Variants in MFGE8 observed in about 807,000 individuals in gnomAD.
MFGE8 encodes milk fat globule EGF and factor V/VIII domain containing.
MFGE8 carries 34 observed loss-of-function variants against 42.6 expected under a neutral mutation model. The observed-to-expected ratio is 0.80, with a 90% CI of 0.61 to 1.06. The LOEUF is 1.06. Ranked by LOEUF, MFGE8 falls within the 50% of genes least tolerant of loss-of-function variation. MFGE8 has a pLI of 0.00. For missense variants in MFGE8, 510 were observed against 516.9 expected, an observed-to-expected ratio of 0.99 and a Z score of 0.13; for synonymous variants, 230 against 214.8, an observed-to-expected ratio of 1.07 and a Z score of -0.62.
chr15:88,899,535 A>C lies in MFGE8; in HGVS notation c.1027-3T>G, dbSNP rs985615223. 2.2e-5 allele frequency: 35 copies of C among 1,614,056 alleles called. No individual in the cohort carries two copies. Among genetic ancestry groups the C allele is most frequent in the Non-Finnish European group, 3.0e-5 (35 of 1,180,028 alleles). On this transcript the variant is annotated splice_region_variant and splice_polypyrimidine_tract_variant and intron_variant, in intron 7 of 7. Transcript: ENST00000268150. The surrounding 1 kb of genome is among the most constrained non-coding windows in gnomAD (Gnocchi z 6.8). ...TTGTCCCAGTTGCCAGGGAAGATCT[A>C]GAGGCAGAGCGGGTGTCAGGAGGAC... is the stretch of plus-strand genomic sequence containing the variant.
intron 6 of MFGE8, 38 bp downstream of exon 6, chr15:88,901,513 C>T (rs1208838689): frequency 1.3e-5 from 13 of 975,884 alleles, no homozygotes; most frequent in Non-Finnish European, 1.8e-5. Flanking sequence ...CCTCATCCCA[C>T]CCAACCCCAG....
At position 88,899,434 on chromosome 15, in the gene MFGE8, G is replaced by A. The variant is rs1163392102; in HGVS notation, c.1125C>T (p.His375=). ...GCTCCAGGCGCAGGGCGATGCGGTT[G>A]TGCCAGGCTACAGGCAGGATGCGCA... ...RYVRILPVAW[H]NRIALRLELL... is the part of the protein sequence containing the mutation. Residue 375 remains histidine, a synonymous_variant, in exon 8 of 8, where the codon CAC becomes CAT. Transcript: ENST00000268150. This position sits in a 1 kb window ranked among gnomAD's most constrained non-coding sequence, Gnocchi z 6.8. 1.2e-6 allele frequency: 2 copies of A among 1,614,106 alleles called. No individual in the cohort carries two copies. The highest frequency in any genetic ancestry group is 1.7e-5 in the Admixed American group (1 of 60,012).
At position 88,900,243 on chromosome 15, in the gene MFGE8, G is replaced by GAAA. The variant is rs5814347; in HGVS notation, c.871-435_871-433dup. 3.6e-4 allele frequency among the ~76,000 whole-genome samples: 38 copies of GAAA among 106,956 alleles called. 1 individual carries two copies. The highest frequency in any genetic ancestry group is 1.1e-3 in the African/African-American group (31 of 27,366). 70.2% of individuals were successfully genotyped at this position (106,956 alleles called of 152,430 possible). ...GGTGACAGAGCAAGGCTCTGTCTCA[G>GAAA]AAAAAAAAAAAAAAAAAGCGGTGAG... On this transcript the variant is annotated intron_variant, in intron 6 of 7. Coordinates refer to ENST00000268150, the MANE Select transcript of MFGE8 (RefSeq NM_005928.4).
rs201964986 is a variant in MFGE8 at position 88,906,594 on chromosome 15, C to A, written c.540+32G>T. The A allele has an allele frequency of 6.2e-7, 1 of 1,613,362 alleles. No individual in the cohort carries two copies. Among genetic ancestry groups the A allele is most frequent in the Non-Finnish European group, 8.5e-7 (1 of 1,179,544 alleles). ...CTAGAACCTTAGGGGGTATGGACCA[C>A]AGCCCTTCTTTCGGGCCCCAACAAG... On this transcript the variant is annotated intron_variant, in intron 4 of 7. Transcript: ENST00000268150. The surrounding 1 kb of genome is among the most constrained non-coding windows in gnomAD (Gnocchi z 4.2).
intron 1 of MFGE8, among the ~76,000 whole-genome samples, chr15:88,911,694 T>A (rs1045075100): frequency 2.7e-5 from 4 of 150,230 alleles, no homozygotes; most frequent in Admixed American, 2.0e-4. Flanking sequence ...GCCACTGCAC[T>A]CCAGCCTGGG....
intron 6 of MFGE8, 35 bp downstream of exon 6, chr15:88,901,516 A>AAACCCC: frequency 1.4e-6 from 1 of 733,420 alleles, no homozygotes; most frequent in Non-Finnish European, 2.4e-6. Flanking sequence ...CATCCCACCC[A>AAACCCC]ACCCCAGCCC....
At chr15:88,908,051 T>C (rs1898781723) in intron 2 of MFGE8, among the ~76,000 whole-genome samples, 1 of 152,166 alleles carries the variant, frequency 6.6e-6, no homozygotes, top group Non-Finnish European at 1.5e-5. Flanking sequence ...CTTCCACCTG[T>C]GGGCCCTCAC....
Position 88,906,696 on chromosome 15 carries a change from G to A in MFGE8, c.470C>T (p.Ala157Val). 1 of 1,613,904 alleles carries A rather than the reference G, an allele frequency of 6.2e-7. No individual in the cohort carries two copies. Among genetic ancestry groups the A allele is most frequent in the Non-Finnish European group, 8.5e-7 (1 of 1,179,928 alleles). The change falls in exon 4 of 8, where the codon GCC becomes GTC. Residue 157 changes from alanine (A) to valine (V), a missense_variant. Physicochemically the swap from Ala to Val is moderately conservative, Grantham distance 64 (BLOSUM62 0). Coordinates refer to ENST00000268150, the MANE Select transcript of MFGE8 (RefSeq NM_005928.4). This position sits in a 1 kb window ranked among gnomAD's most constrained non-coding sequence, Gnocchi z 4.2. ...SRLASHEYLK[A>V]FKVAYSLNGH... is the part of the protein sequence containing the mutation. Reference sequence around the variant, plus strand: ...ATTAAGGCTGTAGGCCACCTTGAAGGCCTTCAGGTACTCATGACTGGCCAA... The same window carrying A: ...ATTAAGGCTGTAGGCCACCTTGAAGACCTTCAGGTACTCATGACTGGCCAA...
Position 88,902,894 on chromosome 15 carries a change from C to T in MFGE8, c.686-1159G>A, listed in dbSNP as rs1898498383. 6.6e-6 allele frequency: 1 copy of T among 152,246 alleles called. No homozygotes were observed. Among genetic ancestry groups the T allele is most frequent in the South Asian group, 2.1e-4 (1 of 4,830 alleles). 9.4% of individuals were successfully genotyped at this position (152,246 alleles called of 1,614,324 possible). On this transcript the variant is annotated intron_variant, in intron 5 of 7. Transcript: ENST00000268150. The surrounding 1 kb of genome is among the most constrained non-coding windows in gnomAD (Gnocchi z 4.3). ...TAAGTTATATCACTGCCCTCCAATA[C>T]TCTCACCACTCAAGAGTACTGGGAG...
Position 88,905,986 on chromosome 15 carries a change from C to T in MFGE8, c.541-85G>A. The stretch of plus-strand genomic sequence containing the variant: ...GGTTACCTCATCTTCCTCTTCAGAC[C>T]TGGGAGGCAGAGGTGGGGCTGGGAG... On this transcript the variant is annotated intron_variant, in intron 4 of 7. Coordinates refer to ENST00000268150, the MANE Select transcript of MFGE8 (RefSeq NM_005928.4). This position sits in a 1 kb window ranked among gnomAD's most constrained non-coding sequence, Gnocchi z 6.6. The T allele has an allele frequency of 6.5e-7, 1 of 1,529,894 alleles. No homozygotes were observed. The highest frequency in any genetic ancestry group is 9.0e-7 in the Non-Finnish European group (1 of 1,105,936). The allele number at this position is 1,529,894 out of a possible 1,614,324, so 94.8% of individuals were successfully genotyped here. A position where few individuals can be genotyped will look rare whatever the true frequency, so the allele number is the denominator to read the frequency against.
At position 88,913,369 on chromosome 15, in the gene MFGE8, C is replaced by G; in HGVS notation, c.-50G>C. On this transcript the variant is annotated 5_prime_UTR_variant, in exon 1 of 8. Transcript: ENST00000268150. ...TGGGCACGCTGGGCTGCTCAGACCC[C>G]GCGGGGTTCTGGCGCCTTCTCCTCT... 3.0e-5 allele frequency: 39 copies of G among 1,321,816 alleles called. No homozygotes were observed. The highest frequency in any genetic ancestry group is 3.7e-5 in the Non-Finnish European group (38 of 1,026,244). The allele number at this position is 1,321,816 out of a possible 1,614,324, so 81.9% of individuals were successfully genotyped here.
At position 88,909,940 on chromosome 15, in the gene MFGE8, G is replaced by T; in HGVS notation, c.74-17C>A. The T allele has an allele frequency of 6.2e-7, 1 of 1,613,832 alleles. No homozygotes were observed. The highest frequency in any genetic ancestry group is 8.5e-7 in the Non-Finnish European group (1 of 1,179,826). Reference sequence around the variant, plus strand: ...AACAGATATCTGGGGACAGAGACAGGTAAGATGAGCAGATGATCAGGAAGG... The same window carrying T: ...AACAGATATCTGGGGACAGAGACAGTTAAGATGAGCAGATGATCAGGAAGG... On this transcript the variant is annotated splice_polypyrimidine_tract_variant and intron_variant, in intron 1 of 7. Coordinates refer to ENST00000268150, the MANE Select transcript of MFGE8 (RefSeq NM_005928.4).
Position 88,903,083 on chromosome 15 carries a change from G to A in MFGE8, c.686-1348C>T, listed in dbSNP as rs1365951710. 6.6e-6 allele frequency: 1 copy of A among 152,280 alleles called. No homozygotes were observed. Among genetic ancestry groups the A allele is most frequent in the African/African-American group, 2.4e-5 (1 of 41,448 alleles). The allele number at this position is 152,280 out of a possible 1,614,324, so 9.4% of individuals were successfully genotyped here. A position where few individuals can be genotyped will look rare whatever the true frequency, so the allele number is the denominator to read the frequency against. ...AGAGAGGCTCCCGGGCTGAGAGCTGGTTGTCCCTTGGCCCCAGAAGAGGAG... is the reference window on the plus strand; with the variant it reads ...AGAGAGGCTCCCGGGCTGAGAGCTGATTGTCCCTTGGCCCCAGAAGAGGAG... On this transcript the variant is annotated intron_variant, in intron 5 of 7. Transcript: ENST00000268150. The surrounding 1 kb of genome is among the most constrained non-coding windows in gnomAD (Gnocchi z 4.9).
rs893867671 is a variant in MFGE8 at position 88,910,115 on chromosome 15, G to A, written c.74-192C>T. The stretch of plus-strand genomic sequence containing the variant: ...GAGCCAAGGAAGTCCATGTGTAGGC[G>A]AATCGGCCCACATAAGGGAAGCGCC... On this transcript the variant is annotated intron_variant, in intron 1 of 7. Coordinates refer to ENST00000268150, the MANE Select transcript of MFGE8 (RefSeq NM_005928.4). The A allele has an allele frequency of 3.2e-5, 21 of 658,990 alleles. 1 individual carries two copies. The highest frequency in any genetic ancestry group is 1.4e-4 in the South Asian group (8 of 58,142). The allele number at this position is 658,990 out of a possible 1,614,324, so 40.8% of individuals were successfully genotyped here.
Position 88,907,300 on chromosome 15 carries a change from G to A in MFGE8, c.282C>T (p.Thr94=). The A allele has an allele frequency of 1.2e-6, 2 of 1,614,206 alleles. No individual in the cohort carries two copies. The highest frequency in any genetic ancestry group is 1.7e-6 in the Non-Finnish European group (2 of 1,180,036). ...SQIAASSVRV[T]FLGLQHWVPE... ...GGACCCAATGCTGCAAACCCAAGAAGGTCACACGCACAGACGAGGCGGCGA... is the reference window on the plus strand; with the variant it reads ...GGACCCAATGCTGCAAACCCAAGAAAGTCACACGCACAGACGAGGCGGCGA... Residue 94 remains threonine, a synonymous_variant, in exon 3 of 8, where the codon ACC becomes ACT. Transcript: ENST00000268150.
At chr15:88,910,088 T>C in intron 1 of MFGE8, 165 bp from the exon 2 acceptor site, 1 of 867,136 alleles carries the variant, frequency 1.2e-6, no homozygotes, top group Non-Finnish European at 1.8e-6. Flanking sequence ...TGAGTCCGCC[T>C]AGAGCCAAGG....
At chr15:88,901,942 C>G (rs146228553) in intron 5 of MFGE8, 3 of 603,718 alleles carry the variant, frequency 5.0e-6, no homozygotes, top group African/African-American at 1.8e-5. Flanking sequence ...CTCAACCAGC[C>G]GGGCTCAGCT....
chr15:88,901,914 AC>A, intron 5 of MFGE8, 179 bp from the exon 6 acceptor site: 1 of 647,410 alleles, frequency 1.5e-6, no homozygotes, highest in Non-Finnish European at 2.8e-6. Context: ...CTCACTGCCG[AC>A]CCCACCACCT....
intron 1 of MFGE8, chr15:88,912,652 T>A (rs1225598805): frequency 2.0e-6 from 2 of 985,086 alleles, no homozygotes; most frequent in African/African-American, 3.5e-5. Context: ...GTCAGGAGAC[T>A]CCCATCAGCA....
Sources: allele counts gnomAD v4.1 joint callset (sites outside exome capture counted in the v4.1 genomes callset), GRCh38; gene constraint gnomAD v4.1.1; non-coding constraint Gnocchi (gnomAD v3.1); transcripts MANE v1.5; gene names NCBI Gene and HGNC (gene_info 2026-07-23, HGNC 2026-07-21).